Variants in TBCD observed in about 807,000 individuals in gnomAD.
The protein encoded by TBCD is tubulin folding cofactor D.
TBCD carries 105 observed loss-of-function variants against 169.3 expected under a neutral mutation model. The ratio of observed to expected loss-of-function variants is 0.62; its 90% CI spans 0.53 to 0.73. The LOEUF (loss-of-function observed/expected upper bound fraction) is 0.73. Among genes scored for constraint, TBCD ranks in the 30% least tolerant of loss-of-function variants. The pLI is 0.00. For synonymous variants in TBCD, 700 were observed against 643.9 expected (o/e 1.09, Z -1.32); for missense variants, 1,444 against 1,600.1 (o/e 0.90, Z 1.66).
intron 15 of TBCD, among the ~76,000 whole-genome samples, chr17:82,886,443 C>A (rs899725616): frequency 6.6e-6 from 1 of 151,566 alleles, no homozygotes; most frequent in Admixed American, 6.6e-5. Flanking sequence ...GGGGTGTGGT[C>A]GTGGCTTCTT....
intron 13 of TBCD, among the ~76,000 whole-genome samples, chr17:82,819,031 C>A (rs1183753933): frequency 6.6e-6 from 1 of 152,038 alleles, no homozygotes; most frequent in East Asian, 1.9e-4. Flanking sequence ...GCACTCCAGC[C>A]TGGGTGACAG....
chr17:82,782,223 G>T lies in TBCD; in HGVS notation c.771+502G>T, dbSNP rs897891362. On this transcript the variant is annotated intron_variant, in intron 7 of 38. Coordinates refer to ENST00000355528, the MANE Select transcript of TBCD (RefSeq NM_005993.5). The surrounding 1 kb of genome is among the most constrained non-coding windows in gnomAD (Gnocchi z 5.1). ...TTGCCAGCCCTTTCCCTGCCCTTTC[G>T]CTCTGATTGTCTCTTGTGTTACCTT... Among the ~76,000 whole-genome samples, 4 of 151,254 alleles carry T rather than the reference G, an allele frequency of 2.6e-5. No homozygotes were observed. The highest frequency in any genetic ancestry group is 9.7e-5 in the African/African-American group (4 of 41,376).
chr17:82,808,985 G>T (rs547834737), intron 11 of TBCD, among the ~76,000 whole-genome samples: 26 of 152,062 alleles, frequency 1.7e-4, no homozygotes, highest in African/African-American at 6.0e-4. Flanking sequence ...GGTGCTGGGG[G>T]ACGGGGAGGC....
At chr17:82,808,295 G>A (rs566102721) in intron 11 of TBCD, among the ~76,000 whole-genome samples, 2 of 152,032 alleles carry the variant, frequency 1.3e-5, no homozygotes, top group South Asian at 4.2e-4. Context: ...GAGGAGGCAG[G>A]TGCAGGGGCC....
intron 13 of TBCD, 85 bp from the exon 14 acceptor site, chr17:82,870,139 C>T: frequency 1.9e-6 from 3 of 1,582,830 alleles, no homozygotes; most frequent in South Asian, 1.1e-5. Context: ...TGACCGCGCT[C>T]CGGCCCTGAG....
chr17:82,806,082 A>G lies in TBCD; in HGVS notation c.1087+71A>G, dbSNP rs987815364. 195 of 1,571,648 alleles carry G rather than the reference A, an allele frequency of 1.2e-4. No homozygotes were observed. Among genetic ancestry groups the G allele is most frequent in the Non-Finnish European group, 1.6e-4 (185 of 1,153,206 alleles). On this transcript the variant is annotated intron_variant, in intron 10 of 38. Coordinates refer to ENST00000355528, the MANE Select transcript of TBCD (RefSeq NM_005993.5). This position sits in a 1 kb window ranked among gnomAD's most constrained non-coding sequence, Gnocchi z 5.1. ...GCCAATTCCCCTCTACTCCAGGACCACACTTCCTTCTTCCTTGCTGGTGCC... is the reference window on the plus strand; with the variant it reads ...GCCAATTCCCCTCTACTCCAGGACCGCACTTCCTTCTTCCTTGCTGGTGCC...
At chr17:82,924,858 C>G in intron 26 of TBCD, 81 bp from the exon 27 acceptor site, 2 of 1,171,482 alleles carry the variant, frequency 1.7e-6, no homozygotes, top group Non-Finnish European at 2.4e-6. Context: ...TGGCTTTGCT[C>G]CTGTTTGGGG....
At chr17:82,794,759 C>G (rs908383057) in intron 7 of TBCD, among the ~76,000 whole-genome samples, 53 of 152,342 alleles carry the variant, frequency 3.5e-4, no homozygotes, top group African/African-American at 1.3e-3. Context: ...CCTGTCGTCT[C>G]TTTTGCCCTC....
intron 33 of TBCD, 34 bp from the exon 34 acceptor site, chr17:82,932,624 G>T: frequency 1.3e-6 from 2 of 1,596,734 alleles, no homozygotes; most frequent in Non-Finnish European, 1.7e-6. Context: ...CTTGTTGCTG[G>T]TGTCCAGGGT....
intron 7 of TBCD, among the ~76,000 whole-genome samples, chr17:82,785,197 C>T (rs1305484264): frequency 4.6e-4 from 48 of 104,778 alleles, no homozygotes; most frequent in Middle Eastern, 6.6e-3. Context: ...TCCCACCCAT[C>T]GCAGCGACAG....
In TBCD at chr17:82,876,869, TGCCGGGAGAGGGA is replaced by T. The variant is rs1269166392; in HGVS notation, c.1475+6498_1475+6510del. 3.0e-5 allele frequency: 19 copies of T among 633,138 alleles called. No individual in the cohort carries two copies. In the South Asian group the frequency reaches 1.1e-3, roughly 35 times the overall value. The allele number at this position is 633,138 out of a possible 1,614,324, so 39.2% of individuals were successfully genotyped here. A position where few individuals can be genotyped will look rare whatever the true frequency, so the allele number is the denominator to read the frequency against. ...GGTCTGTGTCCAAATTGCTGAGTAC[TGCCGGGAGAGGGA>T]GCCGGGAGTGCCTGCGTCTCCTGCT... On this transcript the variant is annotated intron_variant, in intron 14 of 38. Coordinates refer to ENST00000355528, the MANE Select transcript of TBCD (RefSeq NM_005993.5).
At chr17:82,755,021 T>G (rs58377286) in intron 1 of TBCD, among the ~76,000 whole-genome samples, 2,430 of 152,312 alleles carry the variant, frequency 0.016, 64 homozygotes, top group African/African-American at 0.055. Flanking sequence ...TACAGCTTAG[T>G]TTTACACGTT....
intron 9 of TBCD, among the ~76,000 whole-genome samples, chr17:82,803,816 C>T (rs1272496919): frequency 2.6e-5 from 4 of 151,482 alleles, no homozygotes; most frequent in East Asian, 1.9e-4. Context: ...GGCTGAGCTG[C>T]GCGCTTGCGT....
At chr17:82,916,282 TG>T (rs2061027352) in intron 23 of TBCD, among the ~76,000 whole-genome samples, 1 of 152,328 alleles carries the variant, frequency 6.6e-6, no homozygotes, top group Non-Finnish European at 1.5e-5. Flanking sequence ...TCACTCTTGT[TG>T]CTCAGGCTGG....
At position 82,929,478 on chromosome 17, in the gene TBCD, TGGGCGGCTTGACGGAGTCGACGGTGAGGA is replaced by T; in HGVS notation, c.2972_2991+9del. 6.2e-7 allele frequency: 1 copy of T among 1,608,704 alleles called. No individual in the cohort carries two copies. On this transcript the variant is annotated splice_donor_variant and splice_donor_5th_base_variant and coding_sequence_variant and intron_variant, in exon 32 of 39. Coordinates refer to ENST00000355528, the MANE Select transcript of TBCD (RefSeq NM_005993.5). LOFTEE classifies it high-confidence loss of function. ...GTCCTGCTGGGGCTAGTCGTGTCCC[TGGGCGGCTTGACGGAGTCGACGGTGAGGA>T]GGCGTCGGGCTGGCTGGGGCAGGAG...
At chr17:82,899,972 ATATT>A (rs1471831652) in intron 17 of TBCD, among the ~76,000 whole-genome samples, 2 of 152,082 alleles carry the variant, frequency 1.3e-5, no homozygotes, top group African/African-American at 4.8e-5. Context: ...TTATCTTTAT[ATATT>A]CTGTTACAAG....
At chr17:82,850,128 T>C (rs373559906) in intron 13 of TBCD, among the ~76,000 whole-genome samples, 5,420 of 18,796 alleles carry the variant, frequency 0.29, 2,287 homozygotes, top group East Asian at 0.39. Flanking sequence ...GTTGGCTGTG[T>C]TGTTGTTGGC....
chr17:82,900,320 T>A (rs771096495), intron 17 of TBCD, among the ~76,000 whole-genome samples: 4 of 152,214 alleles, frequency 2.6e-5, no homozygotes, highest in Non-Finnish European at 5.9e-5. Context: ...CTTCTTTGGC[T>A]TAGGGTAGTT....
chr17:82,930,671 G>A lies in TBCD; in HGVS notation c.3113+28G>A. On this transcript the variant is annotated intron_variant, in intron 33 of 38. Transcript: ENST00000355528. This position sits in a 1 kb window ranked among gnomAD's most constrained non-coding sequence, Gnocchi z 5.2. ...GAGTGGTGTCTCTTGGGGCCTCAGAGGCGTGAGTGGTGCTGGTGCCTCTCA... is the reference window on the plus strand; with the variant it reads ...GAGTGGTGTCTCTTGGGGCCTCAGAAGCGTGAGTGGTGCTGGTGCCTCTCA... 6.2e-7 allele frequency: 1 copy of A among 1,613,762 alleles called. No individual in the cohort carries two copies. The highest frequency in any genetic ancestry group is 1.1e-5 in the South Asian group (1 of 91,074).
Sources: allele counts gnomAD v4.1 joint callset (sites outside exome capture counted in the v4.1 genomes callset), GRCh38; gene constraint gnomAD v4.1.1; non-coding constraint Gnocchi (gnomAD v3.1); transcripts MANE v1.5; gene names NCBI Gene and HGNC (gene_info 2026-07-23, HGNC 2026-07-21).